The following CTNND2 variants were observed in gnomAD, a reference collection of about 807,000 sequenced individuals.
CTNND2 encodes catenin delta 2.
A neutral mutation model predicts 144.4 loss-of-function variants in CTNND2; 22 were observed. The observed-to-expected ratio is 0.15, with a 90% CI of 0.11 to 0.22. The LOEUF (loss-of-function observed/expected upper bound fraction) is 0.22, where lower values mean the gene tolerates loss of function less well. Among genes scored for constraint, CTNND2 ranks in the 10% least tolerant of loss-of-function variants. The pLI is 1.00. For missense variants in CTNND2, 1,353 were observed against 1,618.8 expected, an observed-to-expected ratio of 0.84 and a Z score of 2.82; for synonymous variants, 751 against 695.6, an observed-to-expected ratio of 1.08 and a Z score of -1.25.
At chr5:11,381,312 A>T (rs770659804) in intron 7 of CTNND2, among the ~76,000 whole-genome samples, 2 of 152,192 alleles carry the variant, frequency 1.3e-5, no homozygotes, top group Admixed American at 6.5e-5. Flanking sequence ...CTAGATCAGA[A>T]TGCAGTACTC....
intron 3 of CTNND2, among the ~76,000 whole-genome samples, chr5:11,514,223 T>C (rs1413217645): frequency 6.6e-6 from 1 of 152,006 alleles, no homozygotes; most frequent in Non-Finnish European, 1.5e-5. Context: ...TGTATGAACA[T>C]TTAGGTGCAA....
rs184644388 is a variant in CTNND2 at position 11,127,227 on chromosome 5, C to T, written c.2160-9660G>A. 2.8e-4 allele frequency among the ~76,000 whole-genome samples: 43 copies of T among 152,326 alleles called. No individual in the cohort carries two copies. In the East Asian group the frequency reaches 6.0e-3, roughly 21 times the overall value. On this transcript the variant is annotated intron_variant, in intron 12 of 21. Transcript: ENST00000304623. Reference sequence around the variant, plus strand: ...GACCAAGGGCAAATCTTGTTAATGGCCTTTTACTCAACCACATTCTCTGTG... The same window carrying T: ...GACCAAGGGCAAATCTTGTTAATGGTCTTTTACTCAACCACATTCTCTGTG...
intron 11 of CTNND2, among the ~76,000 whole-genome samples, chr5:11,171,707 G>C (rs542739061): frequency 1.3e-5 from 2 of 152,168 alleles, no homozygotes; most frequent in African/African-American, 2.4e-5. Context: ...TCCATCAACT[G>C]TCAGAGGTGG....
chr5:11,536,775 G>T (rs1430603982), intron 3 of CTNND2, among the ~76,000 whole-genome samples: 1 of 152,046 alleles, frequency 6.6e-6, no homozygotes, highest in African/African-American at 2.4e-5. Context: ...TGGGTACAGT[G>T]CGCACTGTTC....
chr5:11,774,554 A>AAAT (rs1438070634), intron 1 of CTNND2, among the ~76,000 whole-genome samples: 2 of 147,268 alleles, frequency 1.4e-5, no homozygotes, highest in East Asian at 4.0e-4. Flanking sequence ...GTATAATAAA[A>AAAT]AAAAATTAAA....
intron 2 of CTNND2, among the ~76,000 whole-genome samples, chr5:11,707,890 T>C (rs905769729): frequency 2.0e-5 from 3 of 152,202 alleles, no homozygotes; most frequent in African/African-American, 7.2e-5. Flanking sequence ...GGAGCCTCCA[T>C]TTCTACATCT....
chr5:11,137,104 G>C (rs1189989096), intron 12 of CTNND2, among the ~76,000 whole-genome samples: 2 of 152,182 alleles, frequency 1.3e-5, no homozygotes, highest in South Asian at 2.1e-4. Context: ...TCAATAAATA[G>C]TTGTTGAATT....
chr5:11,351,500 T>C (rs1174860471), intron 8 of CTNND2, among the ~76,000 whole-genome samples: 1 of 152,216 alleles, frequency 6.6e-6, no homozygotes, highest in Non-Finnish European at 1.5e-5. Context: ...GCCTAGTTTA[T>C]AAAGGAAAAA....
At chr5:11,275,260 T>A (rs1167454803) in intron 9 of CTNND2, among the ~76,000 whole-genome samples, 1 of 152,014 alleles carries the variant, frequency 6.6e-6, no homozygotes, top group Non-Finnish European at 1.5e-5. Context: ...TGGTCCAAGG[T>A]CACATAGCTA....
rs998149715 is a variant in CTNND2, at chr5:11,624,560, T to C, written c.175-59504A>G. Among the ~76,000 whole-genome samples the C allele has an allele frequency of 3.3e-5, 5 of 152,120 alleles. No individual in the cohort carries two copies. In the South Asian group the frequency reaches 1.0e-3, roughly 31 times the overall value. On this transcript the variant is annotated intron_variant, in intron 2 of 21. Coordinates refer to ENST00000304623, the MANE Select transcript of CTNND2 (RefSeq NM_001332.4). ...TTTATTAAACAGTTTTAATTTTAGA[T>C]GTAATTTTGTTAAACAGATGTAATT...
At chr5:11,231,631 C>T (rs150620701) in intron 10 of CTNND2, among the ~76,000 whole-genome samples, 3 of 152,198 alleles carry the variant, frequency 2.0e-5, no homozygotes, top group African/African-American at 7.2e-5. Flanking sequence ...AGGCCACAAA[C>T]CATCCAAGAG....
rs75216090 is a variant in CTNND2, at chr5:11,141,646, G to T, written c.2159+17930C>A. The stretch of plus-strand genomic sequence containing the variant: ...GCAAAGGGAGAAAAAACTGTTTAGG[G>T]ATAGGAGAAAACAGATGGATGCCTT... On this transcript the variant is annotated intron_variant, in intron 12 of 21. Coordinates refer to ENST00000304623, the MANE Select transcript of CTNND2 (RefSeq NM_001332.4). 7.9e-3 allele frequency among the ~76,000 whole-genome samples: 1,209 copies of T among 152,284 alleles called. 5 individuals are homozygous for T. The highest frequency in any genetic ancestry group is 0.012 in the Non-Finnish European group (814 of 68,024).
chr5:11,003,135 C>T (rs1740127746), intron 18 of CTNND2, among the ~76,000 whole-genome samples: 1 of 152,242 alleles, frequency 6.6e-6, no homozygotes, highest in East Asian at 1.9e-4. Context: ...AGCTTTTCAC[C>T]TTAGCTGTCC....
At chr5:11,227,781 T>C (rs1333632686) in intron 10 of CTNND2, among the ~76,000 whole-genome samples, 1 of 152,192 alleles carries the variant, frequency 6.6e-6, no homozygotes, top group South Asian at 2.1e-4. Context: ...AGCCAAAATA[T>C]TATTATAAAT....
At chr5:11,028,898 C>T (rs1289599593) in intron 16 of CTNND2, among the ~76,000 whole-genome samples, 4 of 152,142 alleles carry the variant, frequency 2.6e-5, no homozygotes, top group Non-Finnish European at 5.9e-5. Flanking sequence ...TTAGTAGATA[C>T]AGGGTGTCAC....
At chr5:11,383,627 T>C (rs764540415) in intron 7 of CTNND2, among the ~76,000 whole-genome samples, 4 of 152,204 alleles carry the variant, frequency 2.6e-5, no homozygotes, top group Non-Finnish European at 5.9e-5. Flanking sequence ...AAAGAAGCCC[T>C]TGGCCACCTG....
At chr5:11,255,546 T>C (rs1455501328) in intron 9 of CTNND2, among the ~76,000 whole-genome samples, 1 of 152,108 alleles carries the variant, frequency 6.6e-6, no homozygotes, top group African/African-American at 2.4e-5. Context: ...AAATTCAATC[T>C]TGTCTCATGC....
rs185658461 is a variant in CTNND2 at position 11,800,997 on chromosome 5, T to C, written c.38-68725A>G. Among the ~76,000 whole-genome samples the C allele has an allele frequency of 1.6e-4, 24 of 152,324 alleles. No homozygotes were observed. In the East Asian group the frequency reaches 1.9e-3, roughly 12 times the overall value. ...GACTGTTTTTCAAGAGGGTGTTCTTTGCATCTATCAAGGCTAAAAGAAAGA... is the reference window on the plus strand; with the variant it reads ...GACTGTTTTTCAAGAGGGTGTTCTTCGCATCTATCAAGGCTAAAAGAAAGA... On this transcript the variant is annotated intron_variant, in intron 1 of 21. Coordinates refer to ENST00000304623, the MANE Select transcript of CTNND2 (RefSeq NM_001332.4).
At chr5:11,675,296 C>T (rs761052384) in intron 2 of CTNND2, among the ~76,000 whole-genome samples, 3 of 152,090 alleles carry the variant, frequency 2.0e-5, no homozygotes, top group African/African-American at 7.2e-5. Context: ...CTGTTTTAAC[C>T]GTGATACCCA....
Sources: allele counts gnomAD v4.1 joint callset (sites outside exome capture counted in the v4.1 genomes callset), GRCh38; gene constraint gnomAD v4.1.1; transcripts MANE v1.5; gene names NCBI Gene and HGNC (gene_info 2026-07-23, HGNC 2026-07-21).